Variants in DCAF8L2 observed in about 807,000 individuals in gnomAD.
DCAF8L2 encodes the protein DDB1 and CUL4 associated factor 8 like 2.
For missense variants in DCAF8L2, 430 were observed against 490.7 expected (o/e 0.88, Z 1.17); for synonymous variants, 200 against 190.9 (o/e 1.05, Z -0.39).
At chrX:27,541,930 A>C in the DCAF8L2 span, among the ~76,000 whole-genome samples, 1 of 111,513 alleles carries the variant, frequency 9.0e-6, no homozygotes, top group Non-Finnish European at 1.9e-5. Context: ...TGACTTACAA[A>C]TGAGAACATG....
At chrX:27,719,094 G>T (rs1931800722) in intron 4 of DCAF8L2, among the ~76,000 whole-genome samples, 1 of 111,336 alleles carries the variant, frequency 9.0e-6, no homozygotes, top group Non-Finnish European at 1.9e-5. Context: ...GAACTTCTGG[G>T]TCATGAAAAG....
chrX:27,696,215 G>A (rs894253064), intron 3 of DCAF8L2, among the ~76,000 whole-genome samples: 8 of 83,844 alleles, frequency 9.5e-5, no homozygotes, highest in Non-Finnish European at 9.5e-5. Flanking sequence ...AAAAAAAGAA[G>A]AAAAAGAAAG....
At chrX:27,577,438 G>A in the DCAF8L2 span, among the ~76,000 whole-genome samples, 2 of 111,111 alleles carry the variant, frequency 1.8e-5, no homozygotes, top group African/African-American at 6.5e-5. Context: ...TGGAAAATGT[G>A]GAGACAAAAT....
intron 1 of DCAF8L2, among the ~76,000 whole-genome samples, chrX:27,597,966 C>T (rs1407515048): frequency 8.9e-6 from 1 of 111,838 alleles, no homozygotes; most frequent in Non-Finnish European, 1.9e-5. Flanking sequence ...TTTCTCAAAG[C>T]TGGGATTTAA....
At chrX:27,616,345 G>C (rs1167905264) in intron 1 of DCAF8L2, among the ~76,000 whole-genome samples, 1 of 109,640 alleles carries the variant, frequency 9.1e-6, no homozygotes, top group Admixed American at 9.8e-5. Context: ...CCAAAATATC[G>C]ACCATCAGTC....
At chrX:27,560,713 G>A in the DCAF8L2 span, among the ~76,000 whole-genome samples, 2 of 112,296 alleles carry the variant, frequency 1.8e-5, no homozygotes, top group Non-Finnish European at 3.8e-5. Context: ...TGTTCTATGG[G>A]AAATAGTTCC....
chrX:27,503,518 A>G, the DCAF8L2 span, among the ~76,000 whole-genome samples: 1 of 110,123 alleles, frequency 9.1e-6, no homozygotes, highest in African/African-American at 3.3e-5. Flanking sequence ...TTGCCTCGGG[A>G]TGTCATACAC....
the DCAF8L2 span, among the ~76,000 whole-genome samples, chrX:27,514,282 C>CAT: frequency 8.0e-5 from 3 of 37,413 alleles, no homozygotes; most frequent in African/African-American, 1.4e-4. Context: ...CACATATGTA[C>CAT]ATATGTGTGT....
upstream of DCAF8L2, among the ~76,000 whole-genome samples, chrX:27,589,279 T>C (rs150748732): frequency 6.2e-3 from 693 of 111,698 alleles, 3 homozygotes; most frequent in African/African-American, 0.021. Context: ...TTATATATTG[T>C]ATTAGAAAGC....
the DCAF8L2 span, among the ~76,000 whole-genome samples, chrX:27,502,335 A>AAAAAAAAAT: frequency 7.9e-5 from 1 of 12,718 alleles, no homozygotes; most frequent in Non-Finnish European, 1.5e-4. Flanking sequence ...AAAAAAAAAA[A>AAAAAAAAAT]ATATATATAT....
intron 3 of DCAF8L2, among the ~76,000 whole-genome samples, chrX:27,713,796 T>C (rs931625381): frequency 1.8e-5 from 2 of 111,510 alleles, no homozygotes; most frequent in Non-Finnish European, 3.8e-5. Flanking sequence ...CCAATGAAAC[T>C]TGATTTACTA....
the DCAF8L2 span, among the ~76,000 whole-genome samples, chrX:27,528,100 T>A: frequency 1.6e-5 from 1 of 61,405 alleles, no homozygotes; most frequent in Non-Finnish European, 3.8e-5. Flanking sequence ...GACTAATTTT[T>A]AATTTAATTT....
rs751927532 is a variant in DCAF8L2, at chrX:27,749,235, C to A, written c.*444C>A. Among the ~76,000 whole-genome samples the A allele has an allele frequency of 7.2e-5, 8 of 111,817 alleles. No individual in the cohort carries two copies. The highest frequency in any genetic ancestry group is 9.6e-5 in the Admixed American group (1 of 10,425). Reference sequence around the variant, plus strand: ...TCTGAAGATCGAGTTCCTCAGTTGACCTGAAAATTTCAGAAATGTGTTTCT... The same window carrying A: ...TCTGAAGATCGAGTTCCTCAGTTGAACTGAAAATTTCAGAAATGTGTTTCT... On this transcript the variant is annotated 3_prime_UTR_variant, in exon 5 of 5. Coordinates refer to ENST00000451261, the MANE Select transcript of DCAF8L2 (RefSeq NM_001353450.2).
At chrX:27,735,008 T>A (rs1402293658) in intron 4 of DCAF8L2, among the ~76,000 whole-genome samples, 1 of 112,150 alleles carries the variant, frequency 8.9e-6, no homozygotes, top group Non-Finnish European at 1.9e-5. Context: ...AGTTTTAATT[T>A]GAAGTGATGA....
At chrX:27,517,791 A>G in the DCAF8L2 span, 9 of 1,123,586 alleles carry the variant, frequency 8.0e-6, no homozygotes, top group South Asian at 1.6e-4. Context: ...TCATCGATAC[A>G]CAGGTTTGTA....
chrX:27,547,865 C>CTCTT, the DCAF8L2 span, among the ~76,000 whole-genome samples: 3 of 61,032 alleles, frequency 4.9e-5, no homozygotes, highest in African/African-American at 1.3e-4. Flanking sequence ...CTCTCTCTCT[C>CTCTT]TCTCTTTCTC....
intron 3 of DCAF8L2, among the ~76,000 whole-genome samples, chrX:27,694,368 A>G (rs553632501): frequency 8.9e-6 from 1 of 111,905 alleles, no homozygotes; most frequent in Middle Eastern, 4.7e-3. Context: ...AATGGAAATT[A>G]TTTTTTAAAA....
chrX:27,526,269 A>G, the DCAF8L2 span, among the ~76,000 whole-genome samples: 5 of 111,259 alleles, frequency 4.5e-5, no homozygotes, highest in Admixed American at 1.9e-4. Context: ...GCTTCATTTC[A>G]TTCATTTGAT....
chrX:27,585,247 T>C, the DCAF8L2 span, among the ~76,000 whole-genome samples: 1 of 111,394 alleles, frequency 9.0e-6, no homozygotes, highest in Non-Finnish European at 1.9e-5. Context: ...TATGGCTTTA[T>C]TTTAGTCCTA....
Sources: gnomAD v4.1 joint callset for allele counts (sites outside exome capture counted in the v4.1 genomes callset) on GRCh38, gnomAD v4.1.1 for gene constraint, MANE v1.5 for transcripts, NCBI Gene and HGNC (gene_info 2026-07-23, HGNC 2026-07-21) for gene names.